Variants in WDR41 observed in about 807,000 individuals in gnomAD.
WDR41 encodes WD repeat-containing protein 41.
WDR41 carries 63 observed loss-of-function variants against 69.3 expected under a neutral mutation model. The observed-to-expected ratio is 0.91, with a 90% CI of 0.74 to 1.12. WDR41 has a LOEUF of 1.12. WDR41 is among the 50% of genes most tolerant of loss of function. WDR41 has a pLI of 0.00. For missense variants in WDR41, 543 were observed against 534.5 expected, an observed-to-expected ratio of 1.02 and a Z score of -0.16; for synonymous variants, 185 against 192.1, an observed-to-expected ratio of 0.96 and a Z score of 0.31.
chr5:77,542,543 AG>A (rs1281787178), intron 1 of WDR41, among the ~76,000 whole-genome samples: 5 of 152,364 alleles, frequency 3.3e-5, no homozygotes, highest in South Asian at 4.1e-4. Context: ...AAAAATGAAA[AG>A]GTTTTGTGGA....
intron 2 of WDR41, among the ~76,000 whole-genome samples, chr5:77,465,616 CAA>C (rs891273371): frequency 4.6e-5 from 7 of 151,826 alleles, no homozygotes; most frequent in Non-Finnish European, 8.8e-5. Flanking sequence ...ATAAGCATGT[CAA>C]ATAATTTACT....
At chr5:77,582,086 C>A (rs1041554482) in intron 1 of WDR41, among the ~76,000 whole-genome samples, 2 of 152,114 alleles carry the variant, frequency 1.3e-5, no homozygotes, top group East Asian at 3.9e-4. Flanking sequence ...AATTGACAAA[C>A]CTTTAGCTAG....
At chr5:77,596,194 C>T (rs1744224699) in intron 1 of WDR41, among the ~76,000 whole-genome samples, 1 of 152,182 alleles carries the variant, frequency 6.6e-6, no homozygotes, top group Non-Finnish European at 1.5e-5. Context: ...TGTTGCCAAG[C>T]TAGAGTGCAG....
intron 2 of WDR41, among the ~76,000 whole-genome samples, chr5:77,468,894 T>C (rs1800425209): frequency 7.3e-6 from 1 of 137,652 alleles, no homozygotes; most frequent in African/African-American, 2.8e-5. Flanking sequence ...GCACAACTGC[T>C]TGATATATCT....
At chr5:77,474,940 C>T (rs899119818) in intron 2 of WDR41, among the ~76,000 whole-genome samples, 1 of 152,068 alleles carries the variant, frequency 6.6e-6, no homozygotes, top group Non-Finnish European at 1.5e-5. Context: ...AGACAGTGGG[C>T]GCAGGTCAGT....
chr5:77,492,140 G>A, intron 1 of WDR41, 30 bp downstream of exon 1: 1 of 1,601,734 alleles, frequency 6.2e-7, no homozygotes, highest in Non-Finnish European at 8.5e-7. Context: ...CAAGCTCGAC[G>A]GACGCAGAGC....
At chr5:77,536,735 C>T (rs1003436976) in intron 1 of WDR41, among the ~76,000 whole-genome samples, 4 of 152,096 alleles carry the variant, frequency 2.6e-5, no homozygotes, top group African/African-American at 9.7e-5. Context: ...AGGTGTGTAG[C>T]CTAGGAGCAA....
chr5:77,476,079 A>G (rs1800910433), intron 2 of WDR41, among the ~76,000 whole-genome samples: 1 of 152,042 alleles, frequency 6.6e-6, no homozygotes, highest in Non-Finnish European at 1.5e-5. Flanking sequence ...TCAGCGATGG[A>G]AGATGAAATG....
chr5:77,617,885 CAT>C (rs1443706640), intron 1 of WDR41, among the ~76,000 whole-genome samples: 1 of 152,144 alleles, frequency 6.6e-6, no homozygotes, highest in Non-Finnish European at 1.5e-5. Context: ...AATAACTACC[CAT>C]ATGAGTGGCA....
chr5:77,555,267 G>A (rs115039419), intron 1 of WDR41, among the ~76,000 whole-genome samples: 2,257 of 152,198 alleles, frequency 0.015, 57 homozygotes, highest in Middle Eastern at 0.078. Context: ...ATCTTTCTGC[G>A]TTGTATCTTA....
chr5:77,518,743 A>C (rs542985397), intron 1 of WDR41, among the ~76,000 whole-genome samples: 7 of 152,130 alleles, frequency 4.6e-5, no homozygotes, highest in Non-Finnish European at 8.8e-5. Context: ...ACCACTTTCC[A>C]AATTAAATAG....
At chr5:77,574,284 C>T (rs3846676) in intron 1 of WDR41, among the ~76,000 whole-genome samples, 28,286 of 151,666 alleles carry the variant, frequency 0.19, 2,919 homozygotes, top group Admixed American at 0.24. Context: ...GGCAACAGAG[C>T]GAGACTCCAT....
intron 1 of WDR41, among the ~76,000 whole-genome samples, chr5:77,544,043 G>A (rs1009668753): frequency 5.9e-5 from 9 of 151,994 alleles, no homozygotes; most frequent in African/African-American, 9.7e-5. Context: ...TTTTGTACCC[G>A]GTGAAATTAA....
chr5:77,607,383 T>C (rs1744443954), intron 1 of WDR41, among the ~76,000 whole-genome samples: 1 of 152,226 alleles, frequency 6.6e-6, no homozygotes, highest in Non-Finnish European at 1.5e-5. Flanking sequence ...TTCCATATTT[T>C]AAGCCTGGTA....
chr5:77,585,357 A>G (rs952334401), intron 1 of WDR41, among the ~76,000 whole-genome samples: 7 of 151,994 alleles, frequency 4.6e-5, no homozygotes, highest in African/African-American at 1.7e-4. Context: ...AACAGGGAAC[A>G]CTTCTACACT....
chr5:77,585,878 C>T (rs1287650594), intron 1 of WDR41, among the ~76,000 whole-genome samples: 1 of 152,122 alleles, frequency 6.6e-6, no homozygotes, highest in Non-Finnish European at 1.5e-5. Flanking sequence ...TCAGTGTATA[C>T]TGCTTGGGTG....
intron 1 of WDR41, among the ~76,000 whole-genome samples, chr5:77,602,027 C>T (rs1393495102): frequency 6.6e-6 from 1 of 152,074 alleles, no homozygotes; most frequent in African/African-American, 2.4e-5. Context: ...CTAGAGTCAC[C>T]CTACTCTGTT....
intron 1 of WDR41, among the ~76,000 whole-genome samples, chr5:77,521,639 GCAAAGCCTCAC>G (rs1461934687): frequency 6.6e-6 from 1 of 152,122 alleles, no homozygotes; most frequent in African/African-American, 2.4e-5. Context: ...GTACTTGGTG[GCAAAGCCTCAC>G]CTGACCTGAC....
Position 77,441,988 on chromosome 5 carries a change from T to C in WDR41, c.698-991A>G, listed in dbSNP as rs1161550802. On this transcript the variant is annotated intron_variant, in intron 8 of 12. Transcript: ENST00000296679. ...TCAAAGAAATCTAAAAACAAGGAGA[T>C]ACCATTTATTGACTTGTGAATCAGG... is the stretch of plus-strand genomic sequence containing the variant. Among the ~76,000 whole-genome samples, 2 of 152,150 alleles carry C rather than the reference T, an allele frequency of 1.3e-5. 1 individual carries two copies. Among genetic ancestry groups the C allele is most frequent in the Admixed American group, 1.3e-4 (2 of 15,274 alleles).
Sources: gnomAD v4.1 joint callset for allele counts (sites outside exome capture counted in the v4.1 genomes callset) on GRCh38, gnomAD v4.1.1 for gene constraint, MANE v1.5 for transcripts, NCBI Gene and HGNC (gene_info 2026-07-23, HGNC 2026-07-21) for gene names.